Variants in TXK observed in about 807,000 individuals in gnomAD.
The protein encoded by TXK is TXK tyrosine kinase.
In TXK, 60 loss-of-function variants were observed where a neutral mutation model predicts 81.0. The observed-to-expected ratio is 0.74, with a 90% CI of 0.60 to 0.92. The LOEUF (loss-of-function observed/expected upper bound fraction) is 0.92, where lower values mean the gene tolerates loss of function less well. Among genes scored for constraint, TXK ranks in the 40% least tolerant of loss-of-function variants. The pLI, the probability that TXK is intolerant of heterozygous loss-of-function variation, is 0.00. For missense variants in TXK, 581 were observed against 638.3 expected, an observed-to-expected ratio of 0.91 and a Z score of 0.97; for synonymous variants, 203 against 210.7, an observed-to-expected ratio of 0.96 and a Z score of 0.32.
chr4:48,106,906 T>A (rs961669275), intron 5 of TXK, among the ~76,000 whole-genome samples: 16 of 152,202 alleles, frequency 1.1e-4, no homozygotes, highest in Non-Finnish European at 1.9e-4. Flanking sequence ...ATAATTTGAC[T>A]TGTTTTTAAA....
intron 10 of TXK, among the ~76,000 whole-genome samples, chr4:48,080,385 T>C (rs906173502): frequency 1.3e-5 from 2 of 152,164 alleles, no homozygotes; most frequent in Non-Finnish European, 2.9e-5. Context: ...AAGCATTTTA[T>C]GTTTCTCCTC....
At chr4:48,082,358 A>G (rs2109412663) in intron 10 of TXK, among the ~76,000 whole-genome samples, 1 of 152,316 alleles carries the variant, frequency 6.6e-6, no homozygotes. Context: ...GTCTACTAAG[A>G]AACATTTACA....
At chr4:48,100,064 C>T (rs1378550136) in intron 6 of TXK, among the ~76,000 whole-genome samples, 7 of 143,878 alleles carry the variant, frequency 4.9e-5, no homozygotes, top group African/African-American at 1.8e-4. Context: ...CCCAGCTACT[C>T]GGGAGGCTGA....
At chr4:48,109,701 C>T (rs1718575283) in intron 5 of TXK, among the ~76,000 whole-genome samples, 1 of 152,112 alleles carries the variant, frequency 6.6e-6, no homozygotes, top group Non-Finnish European at 1.5e-5. Context: ...CTTTTGAATT[C>T]GAATTTGTTT....
At position 48,080,091 on chromosome 4, in the gene TXK, C is replaced by G; in HGVS notation, c.994G>C (p.Val332Leu). The part of the protein sequence containing the change: ...SHSKLVQLYG[V>L]CIQRKPLYIV... ...TAAAGGGGCTTCCGCTGTATACAGA[C>G]TCCATAAAGTTGCACTAGCTTTGAA... is the stretch of plus-strand genomic sequence containing the variant. The change falls in exon 11 of 15, where the codon GTC becomes CTC. Residue 332 changes from valine to leucine, a missense_variant. Transcript: ENST00000264316. 1.2e-6 allele frequency: 2 copies of G among 1,614,026 alleles called. No homozygotes were observed. The highest frequency in any genetic ancestry group is 2.2e-5 in the East Asian group (1 of 44,866).
In TXK at chr4:48,071,539, A is replaced by T. The variant is rs1246788322; in HGVS notation, c.1493T>A (p.Val498Asp). 1 of 1,613,846 alleles carries T rather than the reference A, an allele frequency of 6.2e-7. No homozygotes were observed. The highest frequency in any genetic ancestry group is 8.5e-7 in the Non-Finnish European group (1 of 1,179,970). ...TACCTCATGCCAGCAGCTGTACATG[A>T]CTTCATATATGGACATTGGTGCCAG... Reference protein sequence around the residue: ...PHLAPMSIYEVMYSCWHEKPE... With the variant: ...PHLAPMSIYEDMYSCWHEKPE... The change falls in exon 14 of 15, where the codon GTC (valine) becomes GAC (aspartate). Residue 498 changes from valine (V) to aspartate (D), a missense_variant. Transcript: ENST00000264316.
intron 10 of TXK, 31 bp from the exon 11 acceptor site, chr4:48,080,159 G>A: frequency 6.5e-7 from 1 of 1,530,432 alleles, no homozygotes; most frequent in Non-Finnish European, 9.1e-7. Context: ...CCAGTGAGCA[G>A]AATTGTGTTT....
At chr4:48,105,208 A>G (rs1718414429) in intron 5 of TXK, among the ~76,000 whole-genome samples, 3 of 152,220 alleles carry the variant, frequency 2.0e-5, no homozygotes, top group Non-Finnish European at 4.4e-5. Context: ...GTATATCATT[A>G]TGAATGATTT....
At chr4:48,124,094 C>T (rs1422635109) in intron 1 of TXK, among the ~76,000 whole-genome samples, 2 of 152,166 alleles carry the variant, frequency 1.3e-5, no homozygotes, top group Non-Finnish European at 2.9e-5. Context: ...CACCTGAGAT[C>T]GTCATTTAAG....
chr4:48,086,868 G>A (rs997333603), intron 9 of TXK, among the ~76,000 whole-genome samples: 1 of 152,120 alleles, frequency 6.6e-6, no homozygotes, highest in African/African-American at 2.4e-5. Context: ...AACAAATTAA[G>A]GATAACAAAA....
intron 6 of TXK, among the ~76,000 whole-genome samples, chr4:48,101,713 T>C (rs1718202481): frequency 6.6e-6 from 1 of 151,480 alleles, no homozygotes; most frequent in African/African-American, 2.4e-5. Context: ...AAGACCCAGA[T>C]GTGGAAAGCA....
chr4:48,090,447 G>A (rs1227335080), intron 8 of TXK, among the ~76,000 whole-genome samples: 1 of 152,142 alleles, frequency 6.6e-6, no homozygotes, highest in Non-Finnish European at 1.5e-5. Flanking sequence ...TAATAGCATG[G>A]TAGAGTAAAT....
chr4:48,085,838 G>A (rs6814039), intron 10 of TXK, among the ~76,000 whole-genome samples: 133,310 of 152,066 alleles, frequency 0.88, 61,117 homozygotes, highest in East Asian at 1. Context: ...CATGCATCCC[G>A]CTGAGAGCCA....
intron 10 of TXK, among the ~76,000 whole-genome samples, chr4:48,084,048 T>C (rs920142405): frequency 3.3e-5 from 5 of 152,170 alleles, no homozygotes; most frequent in Non-Finnish European, 7.3e-5. Flanking sequence ...AATAGAATGT[T>C]AGAATGGAAG....
chr4:48,081,343 A>T (rs186855325), intron 10 of TXK, among the ~76,000 whole-genome samples: 3 of 152,260 alleles, frequency 2.0e-5, no homozygotes, highest in Non-Finnish European at 4.4e-5. Context: ...AAATAAGGCA[A>T]ACCTTTATCA....
rs1560342212 is a variant in TXK at position 48,080,134 on chromosome 4, G to T, written c.957-6C>A. ...GCTTTGAATGAGATAATTTCCTGGT[G>T]AAGAAAAACATACACCAGTGAGCAG... On this transcript the variant is annotated splice_polypyrimidine_tract_variant and splice_region_variant and intron_variant, in intron 10 of 14. Coordinates refer to ENST00000264316, the MANE Select transcript of TXK (RefSeq NM_003328.3). 3.1e-6 allele frequency: 5 copies of T among 1,608,118 alleles called. No individual in the cohort carries two copies. The South Asian group carries it at 4.4e-5, about 14-fold the overall frequency.
At chr4:48,107,723 A>T (rs2704418) in intron 5 of TXK, among the ~76,000 whole-genome samples, 1 of 151,104 alleles carries the variant, frequency 6.6e-6, no homozygotes. Context: ...CCTCGCCCCA[A>T]CCCCCGCCCC....
intron 1 of TXK, among the ~76,000 whole-genome samples, chr4:48,132,997 G>A (rs1262892402): frequency 6.6e-6 from 1 of 151,542 alleles, no homozygotes; most frequent in African/African-American, 2.4e-5. Flanking sequence ...AACCATATGA[G>A]TTTCTGGCAA....
intron 6 of TXK, among the ~76,000 whole-genome samples, chr4:48,100,741 G>C (rs1459519853): frequency 6.6e-6 from 1 of 152,114 alleles, no homozygotes; most frequent in Non-Finnish European, 1.5e-5. Context: ...ATAGGTTATG[G>C]ATGGTAGCAT....
Sources: gnomAD v4.1 joint callset for allele counts (sites outside exome capture counted in the v4.1 genomes callset) on GRCh38, gnomAD v4.1.1 for gene constraint, MANE v1.5 for transcripts, NCBI Gene and HGNC (gene_info 2026-07-23, HGNC 2026-07-21) for gene names.